FANCC: variants seen among roughly 807,000 people sequenced by gnomAD.
FANCC encodes FA complementation group C.
FANCC carries 55 observed loss-of-function variants against 71.3 expected under a neutral mutation model. That is an observed-to-expected ratio of 0.77 (90% CI 0.62 to 0.97). FANCC has a LOEUF of 0.97. Ranked by LOEUF, FANCC falls within the 50% of genes least tolerant of loss-of-function variation. The probability of loss-of-function intolerance (pLI) is 0.00; values close to 1 mark genes in which losing one functional copy is unlikely to be tolerated. For missense variants in FANCC, 678 were observed against 670.9 expected, an observed-to-expected ratio of 1.01 and a Z score of -0.12; for synonymous variants, 275 against 244.9, an observed-to-expected ratio of 1.12 and a Z score of -1.15.
intron 1 of FANCC, among the ~76,000 whole-genome samples, chr9:95,292,156 C>T (rs1224924425): frequency 6.7e-6 from 1 of 149,460 alleles, no homozygotes; most frequent in African/African-American, 2.4e-5. Flanking sequence ...AACACACTTA[C>T]AGTCAACTGA....
At chr9:95,254,053 G>A (rs562362398) in intron 1 of FANCC, among the ~76,000 whole-genome samples, 80 of 152,266 alleles carry the variant, frequency 5.3e-4, no homozygotes, top group Admixed American at 9.2e-4. Context: ...GACTGGTACC[G>A]GTCTGTGGCC....
At chr9:95,304,292 G>C (rs987863974) in intron 1 of FANCC, among the ~76,000 whole-genome samples, 1 of 152,182 alleles carries the variant, frequency 6.6e-6, no homozygotes, top group Non-Finnish European at 1.5e-5. Flanking sequence ...AGAGAAGGAT[G>C]AATGACAGTG....
intron 6 of FANCC, among the ~76,000 whole-genome samples, chr9:95,153,332 T>C (rs868253587): frequency 6.6e-6 from 1 of 152,206 alleles, no homozygotes; most frequent in African/African-American, 2.4e-5. Context: ...GTTTTTTTTT[T>C]ATATAAAGAC....
At chr9:95,258,593 G>A (rs1831817629) in intron 1 of FANCC, among the ~76,000 whole-genome samples, 1 of 152,130 alleles carries the variant, frequency 6.6e-6, no homozygotes, top group Non-Finnish European at 1.5e-5. Context: ...ATACTAAATG[G>A]GCAAAAACTG....
chr9:95,116,176 C>T (rs979458376), intron 11 of FANCC, among the ~76,000 whole-genome samples: 1 of 152,274 alleles, frequency 6.6e-6, no homozygotes, highest in Non-Finnish European at 1.5e-5. Context: ...ACACTAACAA[C>T]TCCAGTACAT....
chr9:95,204,552 C>G (rs924059066), intron 4 of FANCC, among the ~76,000 whole-genome samples: 6 of 152,218 alleles, frequency 3.9e-5, no homozygotes, highest in African/African-American at 1.4e-4. Context: ...ATCTGACACC[C>G]ATCAGGAAGC....
intron 7 of FANCC, among the ~76,000 whole-genome samples, chr9:95,138,091 A>G (rs1827993605): frequency 6.6e-6 from 1 of 152,250 alleles, no homozygotes; most frequent in South Asian, 2.1e-4. Flanking sequence ...TTTCGCTTGC[A>G]CTTGAATCCT....
chr9:95,278,574 C>CTGTCACACTTCTGTGATTGCTGGA (rs1833183400), intron 1 of FANCC, among the ~76,000 whole-genome samples: 1 of 152,116 alleles, frequency 6.6e-6, no homozygotes, highest in African/African-American at 2.4e-5. Context: ...GCCACAGCTC[C>CTGTCACACTTCTGTGATTGCTGGA]CAGTCAGCCC....
At chr9:95,240,814 T>C in intron 3 of FANCC, 71 bp from the exon 4 acceptor site, 1 of 882,050 alleles carries the variant, frequency 1.1e-6, no homozygotes, top group East Asian at 2.5e-5. Flanking sequence ...CTGTAAACAT[T>C]ATATTTAGGA....
chr9:95,144,093 A>G (rs1461710363), intron 7 of FANCC, among the ~76,000 whole-genome samples: 1 of 152,138 alleles, frequency 6.6e-6, no homozygotes, highest in Non-Finnish European at 1.5e-5. Flanking sequence ...TTGGTCAAAG[A>G]AAGCATGTGG....
intron 1 of FANCC, among the ~76,000 whole-genome samples, chr9:95,306,930 G>A (rs1254796996): frequency 6.6e-6 from 1 of 152,116 alleles, no homozygotes; most frequent in Non-Finnish European, 1.5e-5. Context: ...CTGGAGTGCA[G>A]TGGTATGATC....
At chr9:95,292,881 C>G in intron 1 of FANCC, 8 of 1,585,432 alleles carry the variant, frequency 5.0e-6, no homozygotes, top group Non-Finnish European at 6.9e-6. Context: ...CCTGAAAAGA[C>G]TTGCAGAGGA....
rs148386028 is a variant in FANCC at position 95,237,395 on chromosome 9, A to G, written c.345+3254T>C. ...ATCTCTGCTTCCTCACCTCTTCAAC[A>G]TTTCTCAATCTGGAGCAATCTGGCT... is the stretch of plus-strand genomic sequence containing the variant. On this transcript the variant is annotated intron_variant, in intron 4 of 14. Coordinates refer to ENST00000289081, the MANE Select transcript of FANCC (RefSeq NM_000136.3). Among the ~76,000 whole-genome samples the G allele has an allele frequency of 2.0e-5, 3 of 152,172 alleles. No homozygotes were observed. The East Asian group carries it at 5.8e-4, about 29-fold the overall frequency.
chr9:95,213,844 C>T (rs1365649528), intron 4 of FANCC, among the ~76,000 whole-genome samples: 1 of 152,124 alleles, frequency 6.6e-6, no homozygotes, highest in Admixed American at 6.6e-5. Context: ...AAAGACACTA[C>T]AGATACAGTA....
chr9:95,288,723 C>T (rs1031225428), intron 1 of FANCC, among the ~76,000 whole-genome samples: 2 of 151,504 alleles, frequency 1.3e-5, no homozygotes, highest in African/African-American at 4.9e-5. Flanking sequence ...TTTGATCACA[C>T]ATAGGGCATT....
At chr9:95,247,351 A>T in intron 3 of FANCC, 81 bp downstream of exon 3, 1 of 1,028,910 alleles carries the variant, frequency 9.7e-7, no homozygotes. Flanking sequence ...AAACTAGGAG[A>T]AAGGTTCATA....
At chr9:95,180,688 A>G (rs1230875692) in intron 4 of FANCC, among the ~76,000 whole-genome samples, 1 of 151,920 alleles carries the variant, frequency 6.6e-6, no homozygotes. Context: ...AACAAAAAGT[A>G]TAGTATGTTA....
intron 1 of FANCC, among the ~76,000 whole-genome samples, chr9:95,252,744 CAA>C (rs34174200): frequency 2.7e-4 from 15 of 54,864 alleles, no homozygotes; most frequent in Non-Finnish European, 2.9e-4. Flanking sequence ...GACTCTGTCT[CAA>C]AAAAAAAAAA....
In FANCC at chr9:95,114,618, T is replaced by C; in HGVS notation, c.1154+11A>G. ...GTGAAGTAGATTTGGGAGTGGTCAG[T>C]GTTTGCTCACCCATGAGTCTGGTCT... On this transcript the variant is annotated intron_variant, in intron 12 of 14. Transcript: ENST00000289081. 6.2e-7 allele frequency: 1 copy of C among 1,611,380 alleles called. No homozygotes were observed.
Sources: gnomAD v4.1 joint callset for allele counts (sites outside exome capture counted in the v4.1 genomes callset) on GRCh38, gnomAD v4.1.1 for gene constraint, MANE v1.5 for transcripts, NCBI Gene and HGNC (gene_info 2026-07-23, HGNC 2026-07-21) for gene names.